Variants in RNF13 observed in about 807,000 individuals in gnomAD.
RNF13 encodes the protein E3 ubiquitin-protein ligase RNF13.
Under a neutral mutation model 37.7 loss-of-function variants are expected in RNF13, and 19 were observed. That is an observed-to-expected ratio of 0.50 (90% CI 0.35 to 0.74). RNF13 has a LOEUF of 0.74. Ranked by LOEUF, RNF13 falls within the 30% of genes least tolerant of loss-of-function variation. The probability of loss-of-function intolerance (pLI) is 0.01; values close to 1 mark genes in which losing one functional copy is unlikely to be tolerated. For synonymous variants in RNF13, 144 were observed against 157.8 expected (o/e 0.91, Z 0.65); for missense variants, 375 against 453.0 (o/e 0.83, Z 1.56).
intron 1 of RNF13, among the ~76,000 whole-genome samples, chr3:149,840,432 G>A (rs920646688): frequency 8.5e-5 from 13 of 152,154 alleles, no homozygotes; most frequent in Non-Finnish European, 8.8e-5. Context: ...GTGGGAGGAC[G>A]AGGGGCACAA....
In RNF13 at chr3:149,945,163, G is replaced by T. The variant is rs182773437; in HGVS notation, c.701-14893G>T. 8.7e-4 allele frequency among the ~76,000 whole-genome samples: 133 copies of T among 152,288 alleles called. 1 individual carries two copies. Among genetic ancestry groups the T allele is most frequent in the Non-Finnish European group, 1.3e-3 (89 of 68,028 alleles). ...CTGAGGGCTCTGTTCTGTTCCATTG[G>T]TCTATATCTCTGTCTTGGTAGCAGT... On this transcript the variant is annotated intron_variant, in intron 8 of 9. Transcript: ENST00000392894.
At chr3:149,918,697 T>G (rs1038489517) in intron 7 of RNF13, among the ~76,000 whole-genome samples, 4 of 151,082 alleles carry the variant, frequency 2.6e-5, no homozygotes, top group Non-Finnish European at 5.9e-5. Flanking sequence ...CTAATTGTTT[T>G]TTTTTTTTTT....
intron 1 of RNF13, among the ~76,000 whole-genome samples, chr3:149,836,412 G>A (rs1249385566): frequency 1.3e-5 from 2 of 151,928 alleles, no homozygotes; most frequent in African/African-American, 4.8e-5. Flanking sequence ...CACTTTACAT[G>A]TATTTTAGTA....
chr3:149,816,015 G>T (rs541256949), intron 1 of RNF13, among the ~76,000 whole-genome samples: 3 of 151,468 alleles, frequency 2.0e-5, no homozygotes, highest in Non-Finnish European at 4.4e-5. Context: ...ATCTTAGCCC[G>T]ACAAGTAGCT....
At chr3:149,946,176 T>G (rs546206505) in intron 8 of RNF13, among the ~76,000 whole-genome samples, 1 of 152,248 alleles carries the variant, frequency 6.6e-6, no homozygotes, top group South Asian at 2.1e-4. Context: ...TGAGAAAAGA[T>G]TAGACAAATG....
At chr3:149,824,089 C>T (rs1350548834) in intron 1 of RNF13, among the ~76,000 whole-genome samples, 5 of 152,140 alleles carry the variant, frequency 3.3e-5, no homozygotes, top group Non-Finnish European at 7.3e-5. Flanking sequence ...TTGAATAAGC[C>T]TCCATTGGCC....
At chr3:149,928,522 G>A (rs1312321284) in intron 8 of RNF13, among the ~76,000 whole-genome samples, 4 of 151,974 alleles carry the variant, frequency 2.6e-5, no homozygotes, top group Admixed American at 2.0e-4. Flanking sequence ...CATTCCTTTG[G>A]TCTATATGAT....
chr3:149,957,025 C>T (rs1343855128), intron 8 of RNF13, among the ~76,000 whole-genome samples: 1 of 152,186 alleles, frequency 6.6e-6, no homozygotes, highest in Non-Finnish European at 1.5e-5. Context: ...CTAATAGTAA[C>T]AAAACTAACA....
chr3:149,911,311 C>T (rs1716973624), intron 6 of RNF13, among the ~76,000 whole-genome samples: 1 of 152,086 alleles, frequency 6.6e-6, no homozygotes, highest in African/African-American at 2.4e-5. Flanking sequence ...CAAGGTACTA[C>T]CATGATTTTA....
At chr3:149,921,629 C>T (rs1056118494) in intron 8 of RNF13, among the ~76,000 whole-genome samples, 1 of 152,158 alleles carries the variant, frequency 6.6e-6, no homozygotes, top group East Asian at 1.9e-4. Flanking sequence ...AAGGACACGA[C>T]CTCATCTGTT....
Position 149,960,797 on chromosome 3 carries a change from T to C in RNF13, c.839T>C (p.Val280Ala). Residue 280 changes from valine (V) to alanine (A), a missense_variant, in exon 10 of 10, where the codon GTG becomes GCG. Coordinates refer to ENST00000392894, the MANE Select transcript of RNF13 (RefSeq NM_183381.3). ...WLTKTKKTCP[V>A]CKQKVVPSQG... ...ACTAAAACCAAAAAAACCTGTCCAGTGTGCAAGCAAAAAGTTGTTCCTTCT... is the reference window on the plus strand; with the variant it reads ...ACTAAAACCAAAAAAACCTGTCCAGCGTGCAAGCAAAAAGTTGTTCCTTCT... 1 of 1,614,142 alleles carries C rather than the reference T, an allele frequency of 6.2e-7. No homozygotes were observed. Among genetic ancestry groups the C allele is most frequent in the Non-Finnish European group, 8.5e-7 (1 of 1,179,996 alleles).
At chr3:149,880,500 A>G (rs2108459806) in intron 4 of RNF13, among the ~76,000 whole-genome samples, 1 of 152,304 alleles carries the variant, frequency 6.6e-6, no homozygotes, top group Non-Finnish European at 1.5e-5. Context: ...GGTTCATTAC[A>G]AAGTAAAGAT....
At chr3:149,930,566 A>G (rs2108556198) in intron 8 of RNF13, among the ~76,000 whole-genome samples, 1 of 152,322 alleles carries the variant, frequency 6.6e-6, no homozygotes, top group Admixed American at 6.5e-5. Context: ...GATTTGGATA[A>G]TAACTGGCTT....
intron 1 of RNF13, among the ~76,000 whole-genome samples, chr3:149,823,691 ATGAAGAGTT>A (rs1293492855): frequency 4.7e-4 from 72 of 152,332 alleles, no homozygotes; most frequent in African/African-American, 1.7e-3. Flanking sequence ...CATAGTGGTT[ATGAAGAGTT>A]TGAACAACAA....
intron 3 of RNF13, among the ~76,000 whole-genome samples, chr3:149,855,072 C>T (rs1723510903): frequency 6.6e-6 from 1 of 152,098 alleles, no homozygotes; most frequent in Admixed American, 6.5e-5. Context: ...ATCTGCAGTC[C>T]CAGCACTTTG....
At chr3:149,846,359 T>C (rs191465395) in intron 2 of RNF13, among the ~76,000 whole-genome samples, 2 of 152,254 alleles carry the variant, frequency 1.3e-5, no homozygotes, top group East Asian at 1.9e-4. Flanking sequence ...CTGGAGTACA[T>C]TGTTGCGGTC....
chr3:149,868,131 T>A (rs1407703811), intron 3 of RNF13, among the ~76,000 whole-genome samples: 1 of 151,854 alleles, frequency 6.6e-6, no homozygotes, highest in East Asian at 1.9e-4. Context: ...ATTACCTATC[T>A]CTTACTATGT....
intron 1 of RNF13, among the ~76,000 whole-genome samples, chr3:149,841,572 G>A (rs1213543819): frequency 6.6e-6 from 1 of 152,176 alleles, no homozygotes; most frequent in Non-Finnish European, 1.5e-5. Flanking sequence ...GCAAGGGTGA[G>A]TGGTAGAGTA....
chr3:149,832,041 A>AT (rs775555275), intron 1 of RNF13, among the ~76,000 whole-genome samples: 10 of 151,948 alleles, frequency 6.6e-5, no homozygotes, highest in Non-Finnish European at 1.0e-4. Flanking sequence ...TTGTTCGCTG[A>AT]TTTTTTTCTG....
Sources: gnomAD v4.1 joint callset for allele counts (sites outside exome capture counted in the v4.1 genomes callset) on GRCh38, gnomAD v4.1.1 for gene constraint, MANE v1.5 for transcripts, NCBI Gene and HGNC (gene_info 2026-07-23, HGNC 2026-07-21) for gene names.